RAP1GAP2: variants seen among roughly 807,000 people sequenced by gnomAD.
The protein encoded by RAP1GAP2 is RAP1 GTPase activating protein 2, also known as rap1 GTPase-activating protein 2.
RAP1GAP2 carries 27 observed loss-of-function variants against 95.0 expected under a neutral mutation model. The observed-to-expected ratio is 0.28, with a 90% confidence interval of 0.21 to 0.39. RAP1GAP2 has a LOEUF of 0.39. RAP1GAP2 is among the 10% of genes least tolerant of loss of function. RAP1GAP2 has a pLI of 1.00. For missense variants in RAP1GAP2, 771 were observed against 970.0 expected (o/e 0.79, Z 2.72); for synonymous variants, 373 against 380.9 (o/e 0.98, Z 0.24).
chr17:2,761,900 A>G (rs560772074), intron 1 of RAP1GAP2, among the ~76,000 whole-genome samples: 1 of 148,228 alleles, frequency 6.7e-6, no homozygotes, highest in African/African-American at 2.5e-5. Flanking sequence ...ATGGTGTCTC[A>G]TTGTGGTTTT....
intron 2 of RAP1GAP2, among the ~76,000 whole-genome samples, chr17:2,896,703 A>C (rs2041838431): frequency 6.6e-6 from 1 of 152,184 alleles, no homozygotes; most frequent in African/African-American, 2.4e-5. Flanking sequence ...AGGTTCTCCC[A>C]GGTGGTCTGC....
chr17:2,806,968 G>A (rs952504044), intron 2 of RAP1GAP2, among the ~76,000 whole-genome samples: 30 of 152,178 alleles, frequency 2.0e-4, no homozygotes, highest in African/African-American at 6.5e-4. Context: ...ACAGGCATGA[G>A]CCACTGTGCC....
chr17:2,984,928 A>T (rs1456103545), intron 10 of RAP1GAP2, 55 bp from the exon 11 acceptor site: 2 of 1,598,932 alleles, frequency 1.3e-6, no homozygotes, highest in Non-Finnish European at 1.7e-6. Flanking sequence ...GTGCTTCCTC[A>T]CTTGCTTCCA....
chr17:2,950,461 T>A (rs1992556), intron 3 of RAP1GAP2, among the ~76,000 whole-genome samples: 137,320 of 152,102 alleles, frequency 0.9, 63,242 homozygotes, highest in Non-Finnish European at 1. Context: ...AAAGCATGCT[T>A]CCAGAGGGAG....
intron 8 of RAP1GAP2, among the ~76,000 whole-genome samples, chr17:2,967,404 A>G (rs866662653): frequency 3.9e-5 from 6 of 152,252 alleles, no homozygotes; most frequent in African/African-American, 1.4e-4. Flanking sequence ...CAACGACGAC[A>G]ACAACAAAAA....
intron 3 of RAP1GAP2, among the ~76,000 whole-genome samples, chr17:2,928,745 T>A (rs1413673201): frequency 6.6e-6 from 1 of 151,776 alleles, no homozygotes; most frequent in African/African-American, 2.4e-5. Context: ...TTGATGCGTG[T>A]GGGGGCCCTG....
rs78737926 is a variant in RAP1GAP2 at position 2,815,268 on chromosome 17, C to G, written c.80+14718C>G. Among the ~76,000 whole-genome samples the G allele has an allele frequency of 3.9e-3, 598 of 152,172 alleles. 8 individuals carry two copies. In the East Asian group the frequency reaches 0.053, roughly 14 times the overall value. ...AGTGCGGCTCCAGCAGTCAGGTTCA[C>G]GTACTCTGGGTGACCTGGGGCAGGC... is the stretch of plus-strand genomic sequence containing the variant. On this transcript the variant is annotated intron_variant, in intron 2 of 24. Coordinates refer to ENST00000254695, the MANE Select transcript of RAP1GAP2 (RefSeq NM_015085.5).
intron 2 of RAP1GAP2, among the ~76,000 whole-genome samples, chr17:2,845,139 T>C (rs1348414643): frequency 2.6e-5 from 4 of 152,110 alleles, no homozygotes; most frequent in African/African-American, 9.7e-5. Context: ...CTCAGTCTTT[T>C]TTTGTTGTTG....
rs755317596 is a variant in RAP1GAP2, at chr17:3,029,863, A to G, written c.2108-1059A>G. Reference sequence around the variant, plus strand: ...GTCAAACCCAGTGTACAAATACTAGATAATATTCTTTACCATAAGTCCCAT... The same window carrying G: ...GTCAAACCCAGTGTACAAATACTAGGTAATATTCTTTACCATAAGTCCCAT... On this transcript the variant is annotated intron_variant, in intron 22 of 24. Transcript: ENST00000254695. This position sits in a 1 kb window ranked among gnomAD's most constrained non-coding sequence, Gnocchi z 4.4. 2.0e-5 allele frequency among the ~76,000 whole-genome samples: 3 copies of G among 151,934 alleles called. No individual in the cohort carries two copies. Among genetic ancestry groups the G allele is most frequent in the Non-Finnish European group, 2.9e-5 (2 of 68,010 alleles).
chr17:2,832,213 A>AC (rs1024030802), intron 2 of RAP1GAP2, among the ~76,000 whole-genome samples: 2 of 149,790 alleles, frequency 1.3e-5, no homozygotes, highest in African/African-American at 2.5e-5. Flanking sequence ...CCAAAAAAAA[A>AC]AAGAAAACAA....
At chr17:2,780,086 T>C (rs1364566309) in intron 1 of RAP1GAP2, among the ~76,000 whole-genome samples, 1 of 152,170 alleles carries the variant, frequency 6.6e-6, no homozygotes, top group African/African-American at 2.4e-5. Flanking sequence ...GTTTCGCTCT[T>C]GTTGTCCAGG....
chr17:2,994,358 G>A (rs1333884938), intron 12 of RAP1GAP2, among the ~76,000 whole-genome samples: 1 of 152,200 alleles, frequency 6.6e-6, no homozygotes, highest in Non-Finnish European at 1.5e-5. Flanking sequence ...GCTGAAGACT[G>A]TGATCAAAGC....
chr17:2,971,579 AAATAAT>A (rs1379181126), intron 8 of RAP1GAP2, among the ~76,000 whole-genome samples: 2 of 152,262 alleles, frequency 1.3e-5, no homozygotes, highest in African/African-American at 4.8e-5. Flanking sequence ...ACAAAAATAA[AAATAAT>A]AATAATACAG....
At chr17:2,842,412 C>A (rs1215052486) in intron 2 of RAP1GAP2, among the ~76,000 whole-genome samples, 1 of 151,622 alleles carries the variant, frequency 6.6e-6, no homozygotes, top group Admixed American at 6.6e-5. Context: ...TGCCTGTAAT[C>A]CCAGCTACTT....
chr17:2,880,813 A>T (rs2073256579), intron 2 of RAP1GAP2, among the ~76,000 whole-genome samples: 1 of 151,890 alleles, frequency 6.6e-6, no homozygotes, highest in Non-Finnish European at 1.5e-5. Flanking sequence ...CAACATCCCT[A>T]CTCTGAAAAT....
intron 1 of RAP1GAP2, among the ~76,000 whole-genome samples, chr17:2,770,077 C>CAAAAAAA (rs533020473): frequency 2.0e-3 from 192 of 97,880 alleles, no homozygotes; most frequent in African/African-American, 5.7e-3. Flanking sequence ...GGTCTCAAAA[C>CAAAAAAA]AAAAAAAAAA....
At chr17:2,801,599 GT>G (rs1567660499) in intron 2 of RAP1GAP2, among the ~76,000 whole-genome samples, 2 of 7,474 alleles carry the variant, frequency 2.7e-4, no homozygotes, top group East Asian at 9.1e-3. Context: ...TCCAGGGTAT[GT>G]GTGTGTGTGT....
intron 1 of RAP1GAP2, among the ~76,000 whole-genome samples, chr17:2,789,309 A>G (rs1292349710): frequency 6.6e-6 from 1 of 152,096 alleles, no homozygotes; most frequent in African/African-American, 2.4e-5. Flanking sequence ...TGTCCTCCCA[A>G]AGTGCTGGGA....
chr17:2,854,881 G>A (rs2072067231), intron 2 of RAP1GAP2, among the ~76,000 whole-genome samples: 1 of 152,204 alleles, frequency 6.6e-6, no homozygotes, highest in African/African-American at 2.4e-5. Context: ...CCAGCAATGG[G>A]GGGAGGGGAG....
Sources: allele counts gnomAD v4.1 joint callset (sites outside exome capture counted in the v4.1 genomes callset), GRCh38; gene constraint gnomAD v4.1.1; non-coding constraint Gnocchi (gnomAD v3.1); transcripts MANE v1.5; gene names NCBI Gene and HGNC (gene_info 2026-07-23, HGNC 2026-07-21).